The following ULK1 variants were observed in gnomAD, a reference collection of about 807,000 sequenced individuals.
ULK1 encodes serine/threonine-protein kinase ULK1.
ULK1 carries 48 observed loss-of-function variants against 117.5 expected under a neutral mutation model. The observed-to-expected ratio is 0.41, with a 90% confidence interval of 0.32 to 0.52. The LOEUF (loss-of-function observed/expected upper bound fraction) is 0.52. ULK1 is among the 20% of genes least tolerant of loss of function. The pLI, the probability that ULK1 is intolerant of heterozygous loss-of-function variation, is 0.29. For missense variants in ULK1, 1,387 were observed against 1,473.4 expected (o/e 0.94, Z 0.96); for synonymous variants, 790 against 637.8 (o/e 1.24, Z -3.60).
At chr12:131,920,828 A>C (rs1422813501) in intron 26 of ULK1, 1 of 446,316 alleles carries the variant, frequency 2.2e-6, no homozygotes, top group Non-Finnish European at 4.0e-6. Context: ...GCCAGGCAGC[A>C]GCAGTAATGA....
Position 131,913,231 on chromosome 12 carries a change from C to G in ULK1, c.1130C>G (p.Pro377Arg). Residue 377 changes from proline to arginine, a missense_variant, in exon 14 of 28, where the codon CCC becomes CGC. Transcript: ENST00000321867. Reference sequence around the variant, plus strand: ...GTGGCTGAGGCGCCCAGTGCCAAACCCCCGCCAGACAGCCTGATGTGCAGT... The same window carrying G: ...GTGGCTGAGGCGCCCAGTGCCAAACGCCCGCCAGACAGCCTGATGTGCAGT... ...DLVAEAPSAKPPPDSLMCSGS... is the reference protein window; with the variant it reads ...DLVAEAPSAKRPPDSLMCSGS... The G allele has an allele frequency of 6.3e-7, 1 of 1,591,526 alleles. No individual in the cohort carries two copies. The highest frequency in any genetic ancestry group is 1.4e-5 in the African/African-American group (1 of 73,486).
At chr12:131,905,341 T>A (rs1426270313) in intron 3 of ULK1, among the ~76,000 whole-genome samples, 3 of 151,764 alleles carry the variant, frequency 2.0e-5, no homozygotes, top group Non-Finnish European at 4.4e-5. Flanking sequence ...CCACCAGGGG[T>A]GCCTTCTGAT....
intron 16 of ULK1, 96 bp from the exon 17 acceptor site, chr12:131,914,987 C>A: frequency 1.4e-6 from 2 of 1,477,558 alleles, no homozygotes; most frequent in Non-Finnish European, 1.8e-6. Context: ...CTGGGGCCTC[C>A]CCTCCTAATA....
Position 131,903,290 on chromosome 12 carries a change from G to C in ULK1, c.247-3602G>C, listed in dbSNP as rs1378321455. Among the ~76,000 whole-genome samples, 2 of 152,212 alleles carry C rather than the reference G, an allele frequency of 1.3e-5. No individual in the cohort carries two copies. The highest frequency in any genetic ancestry group is 2.9e-5 in the Non-Finnish European group (2 of 68,026). On this transcript the variant is annotated intron_variant, in intron 3 of 27. Transcript: ENST00000321867. This position sits in a 1 kb window ranked among gnomAD's most constrained non-coding sequence, Gnocchi z 6.0. Reference sequence around the variant, plus strand: ...CCAGGGTTGGAGACAGCAAGGCTAGGTCCTTCCGGGGACACAGAGGGTGAC... The same window carrying C: ...CCAGGGTTGGAGACAGCAAGGCTAGCTCCTTCCGGGGACACAGAGGGTGAC...
chr12:131,905,502 G>A (rs1289235422), intron 3 of ULK1, among the ~76,000 whole-genome samples: 1 of 152,192 alleles, frequency 6.6e-6, no homozygotes, highest in Admixed American at 6.5e-5. Flanking sequence ...GGGTAGAAGT[G>A]GGATGGCCCT....
intron 22 of ULK1, among the ~76,000 whole-genome samples, chr12:131,917,998 C>T (rs1010498617): frequency 7.2e-5 from 11 of 152,264 alleles, no homozygotes; most frequent in African/African-American, 1.4e-4. Flanking sequence ...GTCCCCACTG[C>T]GGGTTCTGCC....
In ULK1 at chr12:131,916,007, G is replaced by A; in HGVS notation, c.1726G>A (p.Asp576Asn). 1 of 1,611,282 alleles carries A rather than the reference G, an allele frequency of 6.2e-7. No individual in the cohort carries two copies. Among genetic ancestry groups the A allele is most frequent in the Non-Finnish European group, 8.5e-7 (1 of 1,179,448 alleles). ...CCCCAAGCTGCCCAAACCCCCCACG[G>A]ACCCCCTGGGAGCTGTGTTCAGCCC... ...VRPKLPKPPTDPLGAVFSPPQ... is the reference protein window; with the variant it reads ...VRPKLPKPPTNPLGAVFSPPQ... The change falls in exon 19 of 28, where the codon GAC (aspartate) becomes AAC (asparagine). Residue 576 changes from aspartate to asparagine, a missense_variant. Physicochemically the swap from Asp to Asn is conservative, Grantham distance 23. Around this residue, in one of 4 missense-constraint regions of ULK1, gnomAD observed 900 missense variants for 858.9 expected, o/e 1.05. Coordinates refer to ENST00000321867, the MANE Select transcript of ULK1 (RefSeq NM_003565.4).
At position 131,907,547 on chromosome 12, in the gene ULK1, C is replaced by T. The variant is rs767074595; in HGVS notation, c.316+16C>T. On this transcript the variant is annotated intron_variant, in intron 5 of 27. Coordinates refer to ENST00000321867, the MANE Select transcript of ULK1 (RefSeq NM_003565.4). ...TACCTGCACGGTGAGTGCACAGCTG[C>T]GCCACCTGGGCTGCCAGCCGGTCCC... 5.6e-6 allele frequency: 9 copies of T among 1,607,730 alleles called. No individual in the cohort carries two copies. Among genetic ancestry groups the T allele is most frequent in the South Asian group, 4.4e-5 (4 of 90,468 alleles).
intron 23 of ULK1, 129 bp downstream of exon 23, chr12:131,918,810 T>C (rs73162948): frequency 3.2e-5 from 2 of 61,724 alleles, no homozygotes; most frequent in East Asian, 1.2e-3. Flanking sequence ...TGGGGTGTAG[T>C]GTGTGGGGTG....
Position 131,916,037 on chromosome 12 carries a change from C to T in ULK1, c.1756C>T (p.Gln586Ter). 6.2e-7 allele frequency: 1 copy of T among 1,612,386 alleles called. No homozygotes were observed. Among genetic ancestry groups the T allele is most frequent in the Non-Finnish European group, 8.5e-7 (1 of 1,179,770 alleles). Reference sequence around the variant, plus strand: ...CCTGGGAGCTGTGTTCAGCCCACCACAGGCCAGCCCTCCCCAGCCGTCCCA... The same window carrying T: ...CCTGGGAGCTGTGTTCAGCCCACCATAGGCCAGCCCTCCCCAGCCGTCCCA... ...DPLGAVFSPP[Q>*]ASPPQPSHGL... Residue 586 changes from glutamine to a stop codon, truncating the protein, a stop_gained, in exon 19 of 28, where the codon CAG (glutamine) becomes TAG (stop). Coordinates refer to ENST00000321867, the MANE Select transcript of ULK1 (RefSeq NM_003565.4). LOFTEE classifies it high-confidence loss of function.
intron 3 of ULK1, among the ~76,000 whole-genome samples, chr12:131,906,097 G>A (rs1033844450): frequency 5.3e-5 from 8 of 151,986 alleles, no homozygotes; most frequent in African/African-American, 1.9e-4. Context: ...ATCTGTTGGC[G>A]TCTTCTTTTT....
chr12:131,901,550 C>T (rs1374552673), intron 3 of ULK1, among the ~76,000 whole-genome samples: 1 of 152,184 alleles, frequency 6.6e-6, no homozygotes, highest in East Asian at 1.9e-4. Flanking sequence ...CCTCTGCTTT[C>T]TCATTCTTCA....
chr12:131,907,878 T>TGGGAGGGGATGTGCTGCACGGGGCG, intron 5 of ULK1, among the ~76,000 whole-genome samples: 1 of 115,418 alleles, frequency 8.7e-6, no homozygotes, highest in Non-Finnish European at 1.8e-5. Context: ...CTGTGGCGGA[T>TGGGAGGGGATGTGCTGCACGGGGCG]GGGAGGGGAT....
Position 131,907,547 on chromosome 12 carries a change from C to G in ULK1, c.316+16C>G, listed in dbSNP as rs767074595. The G allele has an allele frequency of 5.0e-6, 8 of 1,607,612 alleles. No homozygotes were observed. The highest frequency in any genetic ancestry group is 2.7e-5 in the African/African-American group (2 of 74,790). ...TACCTGCACGGTGAGTGCACAGCTG[C>G]GCCACCTGGGCTGCCAGCCGGTCCC... On this transcript the variant is annotated intron_variant, in intron 5 of 27. Transcript: ENST00000321867.
At chr12:131,899,857 C>T (rs1177693479) in intron 3 of ULK1, among the ~76,000 whole-genome samples, 1 of 152,160 alleles carries the variant, frequency 6.6e-6, no homozygotes, top group Non-Finnish European at 1.5e-5. Context: ...CAGTGGCTCA[C>T]GCCTGTAATC....
Position 131,909,164 on chromosome 12 carries a change from A to G in ULK1, c.593A>G (p.Tyr198Cys). 1 of 1,609,954 alleles carries G rather than the reference A, an allele frequency of 6.2e-7. No homozygotes were observed. The highest frequency in any genetic ancestry group is 8.5e-7 in the Non-Finnish European group (1 of 1,178,680). Reference protein sequence around the residue: ...MAPEVIMSQHYDGKADLWSIG... With the variant: ...MAPEVIMSQHCDGKADLWSIG... ...CCCGAGGTCATCATGTCCCAGCACT[A>G]CGACGGGAAGGCGGACCTGTGGAGC... Residue 198 changes from tyrosine (Y) to cysteine (C), a missense_variant, in exon 8 of 28, where the codon TAC (tyrosine) becomes TGC (cysteine). Physicochemically the swap from Tyr to Cys is radical, Grantham distance 194. Transcript: ENST00000321867.
chr12:131,910,692 CCTATG>C lies in ULK1; in HGVS notation c.860-18_860-14del. ...GAGACAGGAGGATGGCCCAGACTGA[CCTATG>C]CATGTTTATCTCAGCCCCACCCGTG... On this transcript the variant is annotated splice_polypyrimidine_tract_variant and intron_variant, in intron 11 of 27. Transcript: ENST00000321867. 1 of 1,613,062 alleles carries C rather than the reference CCTATG, an allele frequency of 6.2e-7. No individual in the cohort carries two copies. The highest frequency in any genetic ancestry group is 8.5e-7 in the Non-Finnish European group (1 of 1,179,902).
intron 13 of ULK1, 79 bp downstream of exon 13, chr12:131,912,168 G>T: frequency 6.6e-7 from 1 of 1,512,598 alleles, no homozygotes; most frequent in Non-Finnish European, 8.9e-7. Flanking sequence ...GATGCACAGT[G>T]TGTAACACAT....
intron 3 of ULK1, among the ~76,000 whole-genome samples, chr12:131,904,879 C>G (rs1392815385): frequency 6.6e-6 from 1 of 152,104 alleles, no homozygotes; most frequent in South Asian, 2.1e-4. Context: ...CTAGCTTCAT[C>G]TCCCCCTCCT....
Sources: gnomAD v4.1 joint callset for allele counts (sites outside exome capture counted in the v4.1 genomes callset) on GRCh38, gnomAD v4.1.1 for gene constraint, gnomAD v4.1.1 regional missense constraint, Gnocchi (gnomAD v3.1) non-coding constraint, MANE v1.5 for transcripts, NCBI Gene and HGNC (gene_info 2026-07-23, HGNC 2026-07-21) for gene names.